Variants in MYLK observed in about 807,000 individuals in gnomAD.
MYLK encodes the protein myosin light chain kinase.
A neutral mutation model predicts 203.4 loss-of-function variants in MYLK; 106 were observed. The ratio of observed to expected loss-of-function variants is 0.52; its 90% CI spans 0.45 to 0.61. The LOEUF is 0.61. Ranked by LOEUF, MYLK falls within the 20% of genes least tolerant of loss-of-function variation. MYLK has a pLI of 0.00. For missense variants in MYLK, 2,072 were observed against 2,442.3 expected (o/e 0.85, Z 3.20); for synonymous variants, 867 against 959.5 (o/e 0.90, Z 1.78).
intron 5 of MYLK, among the ~76,000 whole-genome samples, chr3:123,740,641 G>A (rs1324173419): frequency 1.3e-5 from 2 of 152,230 alleles, no homozygotes; most frequent in Non-Finnish European, 2.9e-5. Flanking sequence ...CCTGGGCAAG[G>A]TGCTGCTATG....
intron 19 of MYLK, among the ~76,000 whole-genome samples, chr3:123,688,433 G>C (rs1282423898): frequency 6.6e-6 from 1 of 151,642 alleles, no homozygotes; most frequent in Non-Finnish European, 1.5e-5. Context: ...ACTCATATCA[G>C]CTCTACAGCC....
At chr3:123,854,610 G>T (rs965765309) in intron 2 of MYLK, among the ~76,000 whole-genome samples, 4 of 152,062 alleles carry the variant, frequency 2.6e-5, no homozygotes, top group Admixed American at 2.0e-4. Context: ...CCAAAAGGAG[G>T]GGGAGGGGCA....
chr3:123,849,322 AT>A (rs1180407944), intron 2 of MYLK, among the ~76,000 whole-genome samples: 4 of 152,212 alleles, frequency 2.6e-5, no homozygotes, highest in African/African-American at 9.6e-5. Context: ...ATTTAAGGCC[AT>A]AAATTTTCCT....
chr3:123,802,286 C>T (rs2065223809), intron 3 of MYLK, among the ~76,000 whole-genome samples: 1 of 152,220 alleles, frequency 6.6e-6, no homozygotes, highest in South Asian at 2.1e-4. Context: ...ATCCAGGTCC[C>T]TGGGTTCCCA....
intron 20 of MYLK, among the ~76,000 whole-genome samples, chr3:123,669,399 G>A (rs1357909230): frequency 2.0e-5 from 3 of 149,502 alleles, no homozygotes; most frequent in African/African-American, 4.9e-5. Flanking sequence ...ATATCAAGAC[G>A]TGGTCCACAG....
chr3:123,703,123 G>A (rs1157284374), intron 16 of MYLK, among the ~76,000 whole-genome samples: 1 of 152,192 alleles, frequency 6.6e-6, no homozygotes, highest in African/African-American at 2.4e-5. Context: ...CTGAGCATGC[G>A]TTCTTGTGTA....
chr3:123,793,238 A>G (rs1245554949), intron 4 of MYLK, among the ~76,000 whole-genome samples: 5 of 152,208 alleles, frequency 3.3e-5, no homozygotes, highest in African/African-American at 9.6e-5. Flanking sequence ...TGCTCCGGGT[A>G]TACCAAATGG....
intron 31 of MYLK, among the ~76,000 whole-genome samples, chr3:123,626,381 G>A (rs974594472): frequency 2.6e-5 from 4 of 152,180 alleles, no homozygotes; most frequent in Non-Finnish European, 5.9e-5. Flanking sequence ...AACCTTCCTA[G>A]ATGGTGGGAC....
Position 123,708,806 on chromosome 3 carries a change from G to C in MYLK, c.2032C>G (p.His678Asp). 6.2e-7 allele frequency: 1 copy of C among 1,614,200 alleles called. No homozygotes were observed. The highest frequency in any genetic ancestry group is 1.1e-5 in the South Asian group (1 of 91,088). The change falls in exon 15 of 34, where the codon CAC becomes GAC. Residue 678 changes from histidine (H) to aspartate (D), a missense_variant. His to Asp is a moderately conservative substitution (Grantham distance 81, BLOSUM62 -1). Around this residue, in one of 3 missense-constraint regions of MYLK, gnomAD observed 865 missense variants for 1,016.0 expected, o/e 0.85. Coordinates refer to ENST00000360304, the MANE Select transcript of MYLK (RefSeq NM_053025.4). ...DFHFEQRGTQ[H>D]SLCIQEVFPE... Reference sequence around the variant, plus strand: ...AACACTTCCTGGATACAAAGGCTGTGCTGAGTTCCTCTCTGTTCAAAGTGG... The same window carrying C: ...AACACTTCCTGGATACAAAGGCTGTCCTGAGTTCCTCTCTGTTCAAAGTGG...
At chr3:123,617,701 G>A (rs2057584929) in intron 33 of MYLK, 3 of 152,354 alleles carry the variant, frequency 2.0e-5, no homozygotes, top group East Asian at 1.9e-4. Flanking sequence ...ACCAAAATGG[G>A]TGATAACCCA....
In MYLK at chr3:123,629,344, T is replaced by A; in HGVS notation, c.5114+130A>T. On this transcript the variant is annotated intron_variant, in intron 30 of 33. Transcript: ENST00000360304. This position sits in a 1 kb window ranked among gnomAD's most constrained non-coding sequence, Gnocchi z 4.4. The stretch of plus-strand genomic sequence containing the variant: ...TCTTACCATGCCCACCCTCCCTTCC[T>A]CAGGGAATGCTAGGAACGACCCAAG... The A allele has an allele frequency of 8.6e-7, 1 of 1,157,362 alleles. No individual in the cohort carries two copies. 71.7% of individuals were successfully genotyped at this position (1,157,362 alleles called of 1,614,324 possible).
chr3:123,733,041 C>G lies in MYLK; in HGVS notation c.1371G>C (p.Gln457His). 6.2e-7 allele frequency: 1 copy of G among 1,614,150 alleles called. No homozygotes were observed. The highest frequency in any genetic ancestry group is 8.5e-7 in the Non-Finnish European group (1 of 1,180,020). Residue 457 changes from glutamine to histidine, a missense_variant, in exon 11 of 34, where the codon CAG (glutamine) becomes CAC (histidine). By Grantham distance (24) the Gln-to-His change is conservative (BLOSUM62 0). Transcript: ENST00000360304. ...WFLEGTPVRR[Q>H]EGSIEVYEDA... ...CTTCATAAACCTCAATGCTGCCTTC[C>G]TGTCTCCTCACGGGGGTGCCTTCCA...
intron 5 of MYLK, among the ~76,000 whole-genome samples, chr3:123,748,733 T>C (rs1222896690): frequency 1.3e-5 from 2 of 152,152 alleles, no homozygotes; most frequent in Non-Finnish European, 2.9e-5. Flanking sequence ...AAACTTAAGA[T>C]TACACAAGCC....
At chr3:123,769,117 G>A (rs1335968164) in intron 4 of MYLK, among the ~76,000 whole-genome samples, 1 of 152,114 alleles carries the variant, frequency 6.6e-6, no homozygotes, top group Non-Finnish European at 1.5e-5. Flanking sequence ...TAATCACCAT[G>A]ACATCACCTT....
At chr3:123,615,488 G>A (rs1018732442) in intron 33 of MYLK, among the ~76,000 whole-genome samples, 12 of 151,466 alleles carry the variant, frequency 7.9e-5, no homozygotes, top group African/African-American at 2.4e-4. Flanking sequence ...TGCACGCCAC[G>A]ACACCCGGCT....
chr3:123,852,363 CT>C (rs1363123657), intron 2 of MYLK, among the ~76,000 whole-genome samples: 1 of 152,058 alleles, frequency 6.6e-6, no homozygotes, highest in East Asian at 1.9e-4. Context: ...TGGTCCTGGA[CT>C]TTTTTTGGTT....
chr3:123,782,534 T>C (rs1171846293), intron 4 of MYLK, among the ~76,000 whole-genome samples: 1 of 152,242 alleles, frequency 6.6e-6, no homozygotes, highest in Non-Finnish European at 1.5e-5. Context: ...CTGAACATCC[T>C]GGGCTCTCCA....
intron 24 of MYLK, among the ~76,000 whole-genome samples, chr3:123,654,713 CT>C (rs1201129769): frequency 0.02 from 2,544 of 125,240 alleles, 15 homozygotes; most frequent in African/African-American, 0.061. Context: ...TTCTTTAATT[CT>C]TTTTTTTTTT....
intron 13 of MYLK, among the ~76,000 whole-genome samples, chr3:123,715,074 C>A (rs6790047): frequency 0.064 from 9,684 of 152,222 alleles, 725 homozygotes; most frequent in African/African-American, 0.17. Context: ...GAGAGACAGA[C>A]AGATATACGC....
Sources: allele counts gnomAD v4.1 joint callset (sites outside exome capture counted in the v4.1 genomes callset), GRCh38; gene constraint gnomAD v4.1.1; regional missense constraint gnomAD v4.1.1; non-coding constraint Gnocchi (gnomAD v3.1); transcripts MANE v1.5; gene names NCBI Gene and HGNC (gene_info 2026-07-23, HGNC 2026-07-21).